The following DPYD variants were observed in gnomAD, a reference collection of about 807,000 sequenced individuals.
DPYD encodes dihydropyrimidine dehydrogenase.
Under a neutral mutation model 116.2 loss-of-function variants are expected in DPYD, and 109 were observed. The ratio of observed to expected loss-of-function variants is 0.94; its 90% CI spans 0.80 to 1.10. DPYD has a LOEUF of 1.10. DPYD is among the 50% of genes least tolerant of loss of function. The probability of loss-of-function intolerance (pLI) is 0.00; values close to 1 mark genes in which losing one functional copy is unlikely to be tolerated. For missense variants in DPYD, 1,302 were observed against 1,254.5 expected, an observed-to-expected ratio of 1.04 and a Z score of -0.57; for synonymous variants, 440 against 432.0, an observed-to-expected ratio of 1.02 and a Z score of -0.23.
chr1:97,849,141 TGTA>T (rs1670454115), intron 2 of DPYD, among the ~76,000 whole-genome samples: 1 of 152,188 alleles, frequency 6.6e-6, no homozygotes, highest in Non-Finnish European at 1.5e-5. Context: ...TTAAATAATG[TGTA>T]GTATAATACA....
At chr1:97,465,998 G>A (rs1014799594) in intron 13 of DPYD, among the ~76,000 whole-genome samples, 12 of 152,128 alleles carry the variant, frequency 7.9e-5, no homozygotes, top group African/African-American at 2.2e-4. Flanking sequence ...CTACTTGGGC[G>A]GCTGAGGTGG....
chr1:97,593,831 A>ATACC (rs1418923450), intron 9 of DPYD, among the ~76,000 whole-genome samples: 1 of 152,200 alleles, frequency 6.6e-6, no homozygotes, highest in Non-Finnish European at 1.5e-5. Flanking sequence ...TTTCTAACAC[A>ATACC]TACCTCTGTT....
intron 12 of DPYD, among the ~76,000 whole-genome samples, chr1:97,527,625 T>G (rs2102011685): frequency 6.6e-6 from 1 of 152,198 alleles, no homozygotes; most frequent in South Asian, 2.1e-4. Context: ...TATTATTAAA[T>G]TATTACTCTT....
intron 11 of DPYD, among the ~76,000 whole-genome samples, chr1:97,565,961 TA>T (rs1216577894): frequency 6.6e-5 from 10 of 152,320 alleles, no homozygotes; most frequent in African/African-American, 2.4e-4. Context: ...TAAAGACATA[TA>T]TTTTTTACAG....
chr1:97,679,039 GC>G lies in DPYD; in HGVS notation c.850+55del, dbSNP rs1381854394. The G allele has an allele frequency of 3.6e-6, 3 of 829,400 alleles. No individual in the cohort carries two copies. The African/African-American group carries it at 5.3e-5, about 15-fold the overall frequency. 51.4% of individuals were successfully genotyped at this position (829,400 alleles called of 1,614,324 possible). A position where few individuals can be genotyped will look rare whatever the true frequency, so the allele number is the denominator to read the frequency against. On this transcript the variant is annotated intron_variant, in intron 8 of 22. Transcript: ENST00000370192. ...GAAGGCAGTCATTCTTCTGGATATT[GC>G]TAGGAAATAAAAAAATACATTATAA...
chr1:97,382,453 A>C lies in DPYD; in HGVS notation c.1914T>G (p.Ile638Met). ...LKADFPDNIV[I>M]ASIMCSYNKN... ...TATTGTAACTGCACATAATGCTAGCAATCACAATCTTTAAAAAGAAAAACA... is the reference window on the plus strand; with the variant it reads ...TATTGTAACTGCACATAATGCTAGCCATCACAATCTTTAAAAAGAAAAACA... Residue 638 changes from isoleucine (I) to methionine (M), a missense_variant, in exon 15 of 23, where the codon ATT becomes ATG. Transcript: ENST00000370192. 6.3e-7 allele frequency: 1 copy of C among 1,585,364 alleles called. No homozygotes were observed. The highest frequency in any genetic ancestry group is 1.2e-5 in the South Asian group (1 of 83,432).
intron 16 of DPYD, among the ~76,000 whole-genome samples, chr1:97,346,161 T>G (rs1669829918): frequency 6.6e-6 from 1 of 151,874 alleles, no homozygotes; most frequent in Admixed American, 6.6e-5. Flanking sequence ...TTTGTCAATC[T>G]GACATTATAT....
chr1:97,166,843 G>A (rs971318673), intron 20 of DPYD, among the ~76,000 whole-genome samples: 43 of 152,062 alleles, frequency 2.8e-4, no homozygotes, highest in African/African-American at 9.7e-4. Context: ...TTGCCAGATG[G>A]CCCTATACTT....
intron 20 of DPYD, among the ~76,000 whole-genome samples, chr1:97,178,411 C>T (rs945920579): frequency 1.3e-5 from 2 of 152,116 alleles, no homozygotes; most frequent in Non-Finnish European, 2.9e-5. Context: ...AACTTACAAT[C>T]GTGGCAAAAG....
chr1:97,666,723 TG>T (rs1315784720), intron 8 of DPYD, among the ~76,000 whole-genome samples: 1 of 152,126 alleles, frequency 6.6e-6, no homozygotes, highest in African/African-American at 2.4e-5. Context: ...TTTCTCACCA[TG>T]GGGGGTTTCA....
intron 18 of DPYD, among the ~76,000 whole-genome samples, chr1:97,300,566 C>T (rs1666802683): frequency 2.0e-5 from 3 of 152,030 alleles, no homozygotes; most frequent in Admixed American, 2.0e-4. Context: ...TCTTCAGTTG[C>T]TGGCATGCGT....
intron 16 of DPYD, among the ~76,000 whole-genome samples, chr1:97,365,555 T>TA (rs1201631907): frequency 1.3e-5 from 2 of 152,196 alleles, no homozygotes; most frequent in South Asian, 2.1e-4. Context: ...GGGTGATTTT[T>TA]AAAAAACTTA....
intron 19 of DPYD, among the ~76,000 whole-genome samples, chr1:97,198,811 T>C (rs1399618883): frequency 2.0e-5 from 3 of 152,192 alleles, no homozygotes; most frequent in African/African-American, 7.2e-5. Context: ...CATTAATTAT[T>C]TCTATATGTG....
At chr1:97,520,792 A>G (rs1648593395) in intron 12 of DPYD, among the ~76,000 whole-genome samples, 1 of 152,164 alleles carries the variant, frequency 6.6e-6, no homozygotes, top group African/African-American at 2.4e-5. Context: ...ATGTCCCTGC[A>G]AAGCACATGA....
intron 14 of DPYD, among the ~76,000 whole-genome samples, chr1:97,437,632 C>T (rs1411219520): frequency 6.6e-6 from 1 of 151,812 alleles, no homozygotes; most frequent in East Asian, 1.9e-4. Context: ...AATAAACCCA[C>T]CAAAGTACTG....
intron 20 of DPYD, among the ~76,000 whole-genome samples, chr1:97,119,240 G>C (rs1353372740): frequency 6.6e-6 from 1 of 152,192 alleles, no homozygotes; most frequent in Non-Finnish European, 1.5e-5. Flanking sequence ...ATGGGTCTCA[G>C]CACTTTAGTA....
intron 10 of DPYD, among the ~76,000 whole-genome samples, chr1:97,588,043 C>G (rs921447626): frequency 4.6e-5 from 7 of 151,938 alleles, no homozygotes; most frequent in Admixed American, 4.6e-4. Flanking sequence ...TGTGCTATTT[C>G]AAAGTTGTAG....
chr1:97,480,345 C>T (rs929509703), intron 13 of DPYD, among the ~76,000 whole-genome samples: 4 of 151,918 alleles, frequency 2.6e-5, no homozygotes, highest in East Asian at 1.9e-4. Context: ...TCCAGATGAC[C>T]GATGGAAACT....
At chr1:97,309,676 T>A (rs1427874825) in intron 16 of DPYD, among the ~76,000 whole-genome samples, 1 of 151,704 alleles carries the variant, frequency 6.6e-6, no homozygotes, top group Non-Finnish European at 1.5e-5. Flanking sequence ...CTGCAACTAA[T>A]CTTATCGGGA....
Sources: allele counts gnomAD v4.1 joint callset (sites outside exome capture counted in the v4.1 genomes callset), GRCh38; gene constraint gnomAD v4.1.1; transcripts MANE v1.5; gene names NCBI Gene and HGNC (gene_info 2026-07-23, HGNC 2026-07-21).